Variants in CTNNA2 observed in about 807,000 individuals in gnomAD.
CTNNA2 encodes the protein catenin alpha-2.
Under a neutral mutation model 101.0 loss-of-function variants are expected in CTNNA2, and 42 were observed. The ratio of observed to expected loss-of-function variants is 0.42; its 90% confidence interval spans 0.32 to 0.54. The LOEUF is 0.54. Among genes scored for constraint, CTNNA2 ranks in the 20% least tolerant of loss-of-function variants. The probability of loss-of-function intolerance (pLI) is 0.14; values close to 1 mark genes in which losing one functional copy is unlikely to be tolerated. For missense variants in CTNNA2, 871 were observed against 1,223.1 expected, an observed-to-expected ratio of 0.71 and a Z score of 4.29; for synonymous variants, 450 against 456.4, an observed-to-expected ratio of 0.99 and a Z score of 0.18.
chr2:79,897,935 T>C (rs1489207979), intron 6 of CTNNA2, among the ~76,000 whole-genome samples: 2 of 152,110 alleles, frequency 1.3e-5, no homozygotes, highest in East Asian at 1.9e-4. Context: ...TTGAAACCTC[T>C]TTTATAAGTG....
chr2:80,086,737 A>G (rs1699460700), intron 7 of CTNNA2, among the ~76,000 whole-genome samples: 1 of 151,580 alleles, frequency 6.6e-6, no homozygotes, highest in African/African-American at 2.4e-5. Flanking sequence ...TGCCCTGCCA[A>G]CCTCACAGAG....
At chr2:80,632,637 CTT>C (rs1447638027) in intron 18 of CTNNA2, among the ~76,000 whole-genome samples, 1 of 152,106 alleles carries the variant, frequency 6.6e-6, no homozygotes, top group African/African-American at 2.4e-5. Context: ...GTACTTTTCT[CTT>C]GTTTTGCTAG....
chr2:79,626,094 A>G (rs1285169066), intron 1 of CTNNA2, among the ~76,000 whole-genome samples: 1 of 152,190 alleles, frequency 6.6e-6, no homozygotes, highest in Non-Finnish European at 1.5e-5. Context: ...GGGAAAACAA[A>G]TCTCCTGTGG....
chr2:79,695,839 T>A (rs1282824207), intron 2 of CTNNA2, among the ~76,000 whole-genome samples: 4 of 152,028 alleles, frequency 2.6e-5, no homozygotes, highest in Non-Finnish European at 5.9e-5. Context: ...AAGATTACTA[T>A]GGGGTCCCCT....
rs1573313549 is a variant in CTNNA2, at chr2:80,571,303, C to T, written c.1742-2860C>T. 2.0e-5 allele frequency among the ~76,000 whole-genome samples: 3 copies of T among 152,092 alleles called. No individual in the cohort carries two copies. The East Asian group carries it at 5.8e-4, about 29-fold the overall frequency. On this transcript the variant is annotated intron_variant, in intron 12 of 18. Transcript: ENST00000402739. ...CACAGTCATAATGTCTGAGGGACTT[C>T]CTCACTTAATGATATTGTTCAGATC...
Position 79,393,625 on chromosome 2 carries a change from AGAG to A in CTNNA2, c.-135+19613_-135+19615del, listed in dbSNP as rs1331435787. 7.9e-5 allele frequency among the ~76,000 whole-genome samples: 9 copies of A among 113,390 alleles called. No individual in the cohort carries two copies. The East Asian group carries it at 3.1e-3, about 39-fold the overall frequency. The allele number at this position is 113,390 out of a possible 152,430, so 74.4% of individuals were successfully genotyped here. ...CAGTAGGATAAAAGAAGATGTTCAC[AGAG>A]AAAAAAAAAAAAAAAAAAAAGCTGC... is the stretch of plus-strand genomic sequence containing the variant. On this transcript the variant is annotated intron_variant, in intron 4 of 21. Transcript: ENST00000466387.
chr2:80,343,620 C>T (rs1672440317), intron 7 of CTNNA2, among the ~76,000 whole-genome samples: 1 of 151,722 alleles, frequency 6.6e-6, no homozygotes, highest in Non-Finnish European at 1.5e-5. Context: ...ATAAAGGGCA[C>T]AAGGAAAAAA....
chr2:80,172,385 T>C (rs1705121231), intron 7 of CTNNA2, among the ~76,000 whole-genome samples: 1 of 152,206 alleles, frequency 6.6e-6, no homozygotes, highest in Middle Eastern at 3.2e-3. Context: ...CTATGGGGTT[T>C]GTTCCTTTAA....
chr2:80,193,368 G>A (rs1023653455), intron 7 of CTNNA2, among the ~76,000 whole-genome samples: 7 of 152,176 alleles, frequency 4.6e-5, no homozygotes, highest in South Asian at 2.1e-4. Flanking sequence ...AATGGCAATC[G>A]GTATATTTGG....
At chr2:79,823,934 T>G (rs1400567762) in intron 3 of CTNNA2, among the ~76,000 whole-genome samples, 2 of 152,056 alleles carry the variant, frequency 1.3e-5, no homozygotes, top group Non-Finnish European at 2.9e-5. Flanking sequence ...GGACTGAATA[T>G]AAAGACTTTC....
chr2:80,604,944 C>T (rs998975922), intron 16 of CTNNA2, among the ~76,000 whole-genome samples: 4 of 151,902 alleles, frequency 2.6e-5, no homozygotes, highest in Non-Finnish European at 5.9e-5. Flanking sequence ...GAAACTAGAA[C>T]TTCACCTTTT....
intron 9 of CTNNA2, among the ~76,000 whole-genome samples, chr2:80,455,085 C>T (rs960067954): frequency 2.6e-5 from 4 of 152,228 alleles, no homozygotes; most frequent in South Asian, 2.1e-4. Flanking sequence ...GATTAGTGAT[C>T]GCCCTGTTTC....
At chr2:79,357,597 T>C (rs937625442) in intron 3 of CTNNA2, among the ~76,000 whole-genome samples, 2 of 152,138 alleles carry the variant, frequency 1.3e-5, no homozygotes, top group Non-Finnish European at 2.9e-5. Context: ...TCCTTCCAAC[T>C]GAAAGACAGC....
intron 7 of CTNNA2, among the ~76,000 whole-genome samples, chr2:80,317,697 C>T (rs1005650781): frequency 2.8e-4 from 43 of 152,086 alleles, no homozygotes; most frequent in African/African-American, 9.7e-4. Context: ...AACAGAATAC[C>T]GACAACCACA....
chr2:79,799,568 A>C (rs567621455), intron 3 of CTNNA2, among the ~76,000 whole-genome samples: 36 of 152,226 alleles, frequency 2.4e-4, no homozygotes, highest in Non-Finnish European at 4.8e-4. Context: ...TTTACTGTAC[A>C]TAACAAAGAT....
chr2:80,334,856 G>A (rs757165185), intron 7 of CTNNA2, among the ~76,000 whole-genome samples: 33 of 152,198 alleles, frequency 2.2e-4, no homozygotes, highest in Non-Finnish European at 4.1e-4. Context: ...AGATTTTAAT[G>A]TTAAAACCAG....
At position 79,211,532 on chromosome 2, in the gene CTNNA2, C is replaced by T. The variant is rs761533324; in HGVS notation, c.-406+13456C>T. 4.6e-5 allele frequency among the ~76,000 whole-genome samples: 7 copies of T among 151,976 alleles called. No individual in the cohort carries two copies. In the East Asian group the frequency reaches 9.7e-4, roughly 21 times the overall value. ...CAGTCAAAGGGGGGTTGTTCTCTGG[C>T]GGGCAGGAGTGGAGGTCACAAGATG... is the stretch of plus-strand genomic sequence containing the variant. On this transcript the variant is annotated intron_variant, in intron 2 of 21. Transcript: ENST00000466387.
intron 8 of CTNNA2, among the ~76,000 whole-genome samples, chr2:80,419,091 GCCTAGATTTTT>G (rs1278595083): frequency 6.6e-6 from 1 of 152,142 alleles, no homozygotes; most frequent in Non-Finnish European, 1.5e-5. Context: ...GTTGGTTGAT[GCCTAGATTTTT>G]CCTTTTCAAA....
At chr2:80,255,310 A>G (rs1018331258) in intron 7 of CTNNA2, among the ~76,000 whole-genome samples, 1 of 152,132 alleles carries the variant, frequency 6.6e-6, no homozygotes, top group Non-Finnish European at 1.5e-5. Flanking sequence ...CATTTTCCAC[A>G]TGAAGAAAGC....
Sources: allele counts gnomAD v4.1 joint callset (sites outside exome capture counted in the v4.1 genomes callset), GRCh38; gene constraint gnomAD v4.1.1; transcripts MANE v1.5; gene names NCBI Gene and HGNC (gene_info 2026-07-23, HGNC 2026-07-21).